Variants in CNTNAP5 observed in about 807,000 individuals in gnomAD.
CNTNAP5 encodes contactin associated protein family member 5, also known as contactin-associated protein-like 5.
CNTNAP5 carries 72 observed loss-of-function variants against 150.2 expected under a neutral mutation model. The ratio of observed to expected loss-of-function variants is 0.48; its 90% CI spans 0.40 to 0.58. CNTNAP5 has a LOEUF of 0.58. Ranked by LOEUF, CNTNAP5 falls within the 20% of genes least tolerant of loss-of-function variation. The pLI is 0.00. For missense variants in CNTNAP5, 1,636 were observed against 1,626.2 expected (o/e 1.01, Z -0.10); for synonymous variants, 672 against 619.8 (o/e 1.08, Z -1.25).
rs143767569 is a variant in CNTNAP5, at chr2:124,092,999, G to A, written c.82+67267G>A. Among the ~76,000 whole-genome samples the A allele has an allele frequency of 5.3e-5, 8 of 152,270 alleles. No individual in the cohort carries two copies. The South Asian group carries it at 1.0e-3, about 20-fold the overall frequency. On this transcript the variant is annotated intron_variant, in intron 1 of 23. Transcript: ENST00000682447. ...TTCATGGTCAGTCACAAAAGTCAGC[G>A]TTCACACATTTAAAATGAATCAGTT...
chr2:124,529,446 G>A (rs1197802831), intron 10 of CNTNAP5, among the ~76,000 whole-genome samples: 3 of 152,050 alleles, frequency 2.0e-5, no homozygotes, highest in African/African-American at 2.4e-5. Context: ...GTATAATAAG[G>A]GATTGTGTTT....
chr2:124,771,033 C>T (rs77043648), intron 16 of CNTNAP5, among the ~76,000 whole-genome samples: 283 of 152,180 alleles, frequency 1.9e-3, no homozygotes, highest in African/African-American at 6.5e-3. Flanking sequence ...GGCCAGGGCT[C>T]GGTAGAAAGC....
At chr2:124,061,001 G>A (rs1042679746) in intron 1 of CNTNAP5, among the ~76,000 whole-genome samples, 1 of 152,094 alleles carries the variant, frequency 6.6e-6, no homozygotes, top group Non-Finnish European at 1.5e-5. Flanking sequence ...GTCTGGGGCT[G>A]CCAGTGCCAT....
intron 3 of CNTNAP5, among the ~76,000 whole-genome samples, chr2:124,252,303 A>T (rs907650657): frequency 6.6e-6 from 1 of 152,154 alleles, no homozygotes; most frequent in African/African-American, 2.4e-5. Flanking sequence ...CTTACCAGAG[A>T]AGCTTTGTTT....
intron 21 of CNTNAP5, among the ~76,000 whole-genome samples, chr2:124,891,472 T>G (rs1678193554): frequency 6.6e-6 from 1 of 152,130 alleles, no homozygotes; most frequent in Admixed American, 6.6e-5. Flanking sequence ...ATGACGATGA[T>G]GATTACTGTC....
intron 13 of CNTNAP5, among the ~76,000 whole-genome samples, chr2:124,652,248 C>A (rs1258946155): frequency 6.6e-6 from 1 of 152,182 alleles, no homozygotes; most frequent in Non-Finnish European, 1.5e-5. Flanking sequence ...CTTTGTCTTT[C>A]CCCTCACTCT....
intron 1 of CNTNAP5, among the ~76,000 whole-genome samples, chr2:124,117,806 C>T (rs1683463696): frequency 1.3e-5 from 2 of 152,162 alleles, no homozygotes; most frequent in Admixed American, 6.5e-5. Context: ...TAAAATGTAA[C>T]ATCTCTGTGC....
chr2:124,695,447 G>A (rs1679386098), intron 13 of CNTNAP5, among the ~76,000 whole-genome samples: 1 of 152,112 alleles, frequency 6.6e-6, no homozygotes. Context: ...TGAATATTTA[G>A]CAAGCAGCTC....
intron 1 of CNTNAP5, among the ~76,000 whole-genome samples, chr2:124,036,341 GAAAC>G: frequency 6.6e-6 from 1 of 152,044 alleles, no homozygotes; most frequent in East Asian, 1.9e-4. Context: ...TTAGTGAACA[GAAAC>G]TGTTCACTAA....
chr2:124,479,182 G>A (rs1693710438), intron 7 of CNTNAP5, among the ~76,000 whole-genome samples: 1 of 152,106 alleles, frequency 6.6e-6, no homozygotes, highest in Non-Finnish European at 1.5e-5. Context: ...TAAACAATCA[G>A]AAAGCAAATG....
rs1558957671 is a variant in CNTNAP5 at position 124,567,886 on chromosome 2, GA to G, written c.1756+4564del. Among the ~76,000 whole-genome samples, 225 of 141,774 alleles carry G rather than the reference GA, an allele frequency of 1.6e-3. 1 individual carries two copies. Among genetic ancestry groups the G allele is most frequent in the African/African-American group, 5.6e-3 (201 of 36,028 alleles). 93.0% of individuals were successfully genotyped at this position (141,774 alleles called of 152,430 possible). Reference sequence around the variant, plus strand: ...ATAGATAGATAGATAGATAGATATAGATAGATAGATACCATTACAACATATC... The same window carrying G: ...ATAGATAGATAGATAGATAGATATAGTAGATAGATACCATTACAACATATC... On this transcript the variant is annotated intron_variant, in intron 11 of 23. Transcript: ENST00000682447.
At chr2:124,897,963 G>A (rs1190225222) in intron 21 of CNTNAP5, among the ~76,000 whole-genome samples, 1 of 150,604 alleles carries the variant, frequency 6.6e-6, no homozygotes, top group Non-Finnish European at 1.5e-5. Flanking sequence ...GTGTGTGTGT[G>A]TGTGTGTGTG....
At chr2:124,062,677 G>C (rs1682043971) in intron 1 of CNTNAP5, among the ~76,000 whole-genome samples, 1 of 152,148 alleles carries the variant, frequency 6.6e-6, no homozygotes, top group Admixed American at 6.6e-5. Flanking sequence ...GAAGTTTAAG[G>C]ATAGAGTGGT....
intron 10 of CNTNAP5, among the ~76,000 whole-genome samples, chr2:124,551,343 T>C (rs1187102073): frequency 2.6e-5 from 4 of 152,160 alleles, no homozygotes; most frequent in Non-Finnish European, 5.9e-5. Flanking sequence ...TCTGCTGTAA[T>C]TACAACAAAT....
At chr2:124,475,062 C>T (rs763116727) in intron 7 of CNTNAP5, among the ~76,000 whole-genome samples, 180 bp downstream of exon 7, 4 of 151,892 alleles carry the variant, frequency 2.6e-5, no homozygotes, top group Non-Finnish European at 4.4e-5. Context: ...GTGTTAATTG[C>T]ACTAGTGGAA....
intron 11 of CNTNAP5, among the ~76,000 whole-genome samples, chr2:124,589,408 T>G (rs1001119668): frequency 8.5e-5 from 13 of 152,334 alleles, no homozygotes; most frequent in African/African-American, 2.9e-4. Flanking sequence ...AAATACCACA[T>G]TTGTTTATCC....
chr2:124,586,896 G>A (rs72845255), intron 11 of CNTNAP5, among the ~76,000 whole-genome samples: 2 of 152,124 alleles, frequency 1.3e-5, no homozygotes, highest in Admixed American at 1.3e-4. Flanking sequence ...AATGTACCTG[G>A]GTAAGATGCA....
rs774454344 is a variant in CNTNAP5, at chr2:124,221,787, A to C, written c.165A>C (p.Pro55=). ...CAGACCTCACTGGCACTCACAGCCC[A>C]GCTCAACTCAACTGGAGAGTTGGTA... is the stretch of plus-strand genomic sequence containing the variant. ...SSSDLTGTHS[P]AQLNWRVGTG... is the part of the protein sequence containing the mutation. The change falls in exon 2 of 24, where the codon CCA becomes CCC. Residue 55 remains proline, a synonymous_variant. Transcript: ENST00000682447. The C allele has an allele frequency of 1.8e-4, 283 of 1,609,318 alleles. 3 individuals are homozygous for C. In the Middle Eastern group the frequency reaches 2.5e-3, roughly 14 times the overall value.
chr2:124,735,188 C>A (rs568331058), intron 13 of CNTNAP5, among the ~76,000 whole-genome samples: 1 of 152,146 alleles, frequency 6.6e-6, no homozygotes, highest in African/African-American at 2.4e-5. Flanking sequence ...ATCCAAAAAA[C>A]AAACAAACAA....
Sources: allele counts gnomAD v4.1 joint callset (sites outside exome capture counted in the v4.1 genomes callset), GRCh38; gene constraint gnomAD v4.1.1; transcripts MANE v1.5; gene names NCBI Gene and HGNC (gene_info 2026-07-23, HGNC 2026-07-21).